ANKS1B: variants seen among roughly 807,000 people sequenced by gnomAD.
ANKS1B encodes ankyrin repeat and sterile alpha motif domain containing 1B.
In ANKS1B, 36 loss-of-function variants were observed where a neutral mutation model predicts 148.3. The observed-to-expected ratio is 0.24, with a 90% CI of 0.19 to 0.32. The LOEUF is 0.32. Among genes scored for constraint, ANKS1B ranks in the 10% least tolerant of loss-of-function variants. The probability of loss-of-function intolerance (pLI) is 1.00; values close to 1 mark genes in which losing one functional copy is unlikely to be tolerated. For synonymous variants in ANKS1B, 542 were observed against 560.8 expected (o/e 0.97, Z 0.47); for missense variants, 1,157 against 1,542.6 (o/e 0.75, Z 4.19).
intron 6 of ANKS1B, among the ~76,000 whole-genome samples, chr12:99,779,265 G>A (rs892136328): frequency 1.3e-5 from 2 of 152,124 alleles, no homozygotes; most frequent in African/African-American, 4.8e-5. Flanking sequence ...AACTAAGGCT[G>A]GTAAGACTGA....
intron 1 of ANKS1B, among the ~76,000 whole-genome samples, chr12:99,907,013 C>T (rs1026110360): frequency 6.6e-6 from 1 of 152,216 alleles, no homozygotes; most frequent in African/African-American, 2.4e-5. Context: ...AGAGCTTACA[C>T]ACAAACTGAA....
chr12:99,130,364 A>G (rs565362365), intron 15 of ANKS1B, among the ~76,000 whole-genome samples: 67 of 152,154 alleles, frequency 4.4e-4, no homozygotes, highest in Non-Finnish European at 8.1e-4. Context: ...GTGAATCCAG[A>G]TTAGGTGGCA....
At chr12:99,800,011 T>C (rs913327490) in intron 4 of ANKS1B, among the ~76,000 whole-genome samples, 2 of 152,130 alleles carry the variant, frequency 1.3e-5, no homozygotes, top group East Asian at 1.9e-4. Context: ...TTCTGGCTGT[T>C]TGACTGAAAA....
chr12:99,318,803 C>T (rs2084667498), intron 12 of ANKS1B, among the ~76,000 whole-genome samples: 1 of 151,872 alleles, frequency 6.6e-6, no homozygotes, highest in African/African-American at 2.4e-5. Flanking sequence ...CTCCGGTGGG[C>T]ATTTAGTGCT....
At chr12:99,011,842 A>G (rs2099939615) in intron 17 of ANKS1B, among the ~76,000 whole-genome samples, 1 of 152,246 alleles carries the variant, frequency 6.6e-6, no homozygotes, top group Non-Finnish European at 1.5e-5. Context: ...ATATGTAAAT[A>G]CTACAAAAAT....
At chr12:98,883,528 C>T (rs1344243236) in intron 17 of ANKS1B, among the ~76,000 whole-genome samples, 1 of 152,210 alleles carries the variant, frequency 6.6e-6, no homozygotes, top group Non-Finnish European at 1.5e-5. Context: ...CCATAGCTTA[C>T]ATGGCATTCC....
At chr12:98,889,214 T>C (rs767430536) in intron 17 of ANKS1B, among the ~76,000 whole-genome samples, 44 of 152,182 alleles carry the variant, frequency 2.9e-4, no homozygotes, top group Non-Finnish European at 5.1e-4. Context: ...ACATGATGAA[T>C]TATCACTGGG....
chr12:99,054,882 A>C (rs1180448289), intron 16 of ANKS1B, among the ~76,000 whole-genome samples: 1 of 152,238 alleles, frequency 6.6e-6, no homozygotes, highest in Non-Finnish European at 1.5e-5. Flanking sequence ...AGTACAATTT[A>C]TTATTTACAT....
intron 11 of ANKS1B, among the ~76,000 whole-genome samples, chr12:99,402,622 C>T (rs2094434833): frequency 6.9e-6 from 1 of 145,850 alleles, no homozygotes; most frequent in African/African-American, 2.6e-5. Flanking sequence ...CCTCCAGCTC[C>T]ATCCATGTCC....
chr12:99,154,609 T>C lies in ANKS1B; in HGVS notation c.2420-214A>G, dbSNP rs2075760670. 3.4e-6 allele frequency: 5 copies of C among 1,461,704 alleles called. No individual in the cohort carries two copies. In the South Asian group the frequency reaches 7.3e-5, roughly 21 times the overall value. The allele number at this position is 1,461,704 out of a possible 1,614,324, so 90.5% of individuals were successfully genotyped here. ...GCCAGGCAGGCTGTGGAGTATGACT[T>C]GATCCTAGCTCCACATTTCTTACAT... On this transcript the variant is annotated intron_variant, in intron 14 of 26. Coordinates refer to ENST00000683438, the MANE Select transcript of ANKS1B (RefSeq NM_001352186.2).
intron 17 of ANKS1B, among the ~76,000 whole-genome samples, chr12:99,026,918 T>C (rs1423369097): frequency 6.6e-6 from 1 of 152,186 alleles, no homozygotes; most frequent in Non-Finnish European, 1.5e-5. Flanking sequence ...AAAATGTGCA[T>C]TGTATAAATC....
chr12:99,246,806 A>G lies in ANKS1B; in HGVS notation c.1815T>C (p.Phe605=), dbSNP rs779439721. 3 of 1,612,130 alleles carry G rather than the reference A, an allele frequency of 1.9e-6. No individual in the cohort carries two copies. The highest frequency in any genetic ancestry group is 8.5e-7 in the Non-Finnish European group (1 of 1,179,486). ...DPPKEYDPGQ[F]AGLLHGSSPA... is the part of the protein sequence containing the mutation. ...GAGAGGATCCATGGAGCAGGCCTGC[A>G]AATTGCCCAGGATCATATTCTTTTG... The change falls in exon 13 of 27, where the codon TTT becomes TTC. Residue 605 remains phenylalanine (F), a synonymous_variant. Coordinates refer to ENST00000683438, the MANE Select transcript of ANKS1B (RefSeq NM_001352186.2).
At chr12:99,386,935 C>G (rs940686404) in intron 12 of ANKS1B, among the ~76,000 whole-genome samples, 2 of 152,176 alleles carry the variant, frequency 1.3e-5, no homozygotes, top group African/African-American at 4.8e-5. Context: ...AGAATCCCAG[C>G]AAAGCAAATA....
At position 98,972,179 on chromosome 12, in the gene ANKS1B, CA is replaced by C. The variant is rs529349845; in HGVS notation, c.2778+80977del. Among the ~76,000 whole-genome samples the C allele has an allele frequency of 2.7e-3, 395 of 145,910 alleles. 11 individuals carry two copies. The East Asian group carries it at 0.044, about 16-fold the overall frequency. On this transcript the variant is annotated intron_variant, in intron 17 of 26. Coordinates refer to ENST00000683438, the MANE Select transcript of ANKS1B (RefSeq NM_001352186.2). ...CGAGACTCTGTCTCAAACTAACAAA[CA>C]AAAAATTTCACAGTCGTTATGAACA...
chr12:99,653,737 C>CA (rs2098436824), intron 9 of ANKS1B, among the ~76,000 whole-genome samples: 1 of 140,470 alleles, frequency 7.1e-6, no homozygotes, highest in Non-Finnish European at 1.5e-5. Context: ...GGCTGGAATG[C>CA]AGTGGTATGA....
At chr12:99,677,222 G>A (rs761671629) in intron 8 of ANKS1B, among the ~76,000 whole-genome samples, 21 of 152,028 alleles carry the variant, frequency 1.4e-4, no homozygotes, top group African/African-American at 2.7e-4. Flanking sequence ...CCTCATCTCC[G>A]TTTCTAGGTC....
intron 9 of ANKS1B, among the ~76,000 whole-genome samples, chr12:99,614,565 A>C (rs11109945): frequency 0.29 from 43,763 of 151,646 alleles, 6,839 homozygotes; most frequent in East Asian, 0.48. Flanking sequence ...CAAAGAAAAA[A>C]AAAAAGAATT....
chr12:99,285,981 C>T (rs765530403), intron 12 of ANKS1B, among the ~76,000 whole-genome samples: 23 of 152,032 alleles, frequency 1.5e-4, no homozygotes, highest in Non-Finnish European at 3.1e-4. Context: ...GTCTAGGCCA[C>T]AAGAATTGCA....
intron 9 of ANKS1B, among the ~76,000 whole-genome samples, chr12:99,542,407 A>T (rs150455096): frequency 4.6e-5 from 7 of 152,310 alleles, no homozygotes; most frequent in African/African-American, 1.7e-4. Context: ...TAAATTAAAG[A>T]AGGCATAAAT....
Sources: allele counts gnomAD v4.1 joint callset (sites outside exome capture counted in the v4.1 genomes callset), GRCh38; gene constraint gnomAD v4.1.1; transcripts MANE v1.5; gene names NCBI Gene and HGNC (gene_info 2026-07-23, HGNC 2026-07-21).